TMEM51: variants seen among roughly 807,000 people sequenced by gnomAD.
TMEM51 encodes the protein transmembrane protein 51, also known as chromosome 1 open reading frame 72.
TMEM51 carries 8 observed loss-of-function variants against 13.6 expected under a neutral mutation model. The observed-to-expected ratio is 0.59, with a 90% CI of 0.35 to 1.07. TMEM51 has a LOEUF of 1.07. TMEM51 is among the 50% of genes least tolerant of loss of function. The probability of loss-of-function intolerance (pLI) is 0.02; values close to 1 mark genes in which losing one functional copy is unlikely to be tolerated. For missense variants in TMEM51, 279 were observed against 330.7 expected (o/e 0.84, Z 1.21); for synonymous variants, 147 against 144.4 (o/e 1.02, Z -0.13).
chr1:15,155,016 C>T (rs1344450656), intron 1 of TMEM51, among the ~76,000 whole-genome samples: 4 of 152,220 alleles, frequency 2.6e-5, no homozygotes, highest in Admixed American at 1.3e-4. Flanking sequence ...CGGAGAACAG[C>T]TTGTCTAGGG....
chr1:15,177,970 T>C (rs1490702356), intron 1 of TMEM51, among the ~76,000 whole-genome samples: 1 of 152,190 alleles, frequency 6.6e-6, no homozygotes, highest in Non-Finnish European at 1.5e-5. Flanking sequence ...TATCAAACCC[T>C]TTTCATGGCC....
At chr1:15,167,155 G>A (rs933573215) in intron 1 of TMEM51, among the ~76,000 whole-genome samples, 5 of 151,608 alleles carry the variant, frequency 3.3e-5, no homozygotes, top group Non-Finnish European at 4.4e-5. Flanking sequence ...GTTAAACCCC[G>A]TCTCTCCTAA....
At chr1:15,153,115 C>G (rs1254168425), upstream of TMEM51, among the ~76,000 whole-genome samples, 2 of 152,202 alleles carry the variant, frequency 1.3e-5, no homozygotes, top group East Asian at 3.9e-4. Context: ...AGGGCGTGAG[C>G]TGACTCAGTT....
chr1:15,214,207 G>C (rs887782606), intron 2 of TMEM51, among the ~76,000 whole-genome samples: 1 of 152,094 alleles, frequency 6.6e-6, no homozygotes, highest in African/African-American at 2.4e-5. Context: ...CATGGGAAGA[G>C]AGAGACTCAC....
Position 15,219,773 on chromosome 1 carries a change from G to A in TMEM51, c.*30G>A, listed in dbSNP as rs781469605. The A allele has an allele frequency of 6.2e-6, 10 of 1,602,880 alleles. No individual in the cohort carries two copies. Among genetic ancestry groups the A allele is most frequent in the Non-Finnish European group, 7.7e-6 (9 of 1,174,510 alleles). On this transcript the variant is annotated 3_prime_UTR_variant, in exon 4 of 4. Transcript: ENST00000376008. ...CCCCACTTGAGCCACGCTCCCTCCT[G>A]TCTCTCACACCTTTCACCCCCAAGA...
At chr1:15,208,352 T>C (rs1413966611) in intron 1 of TMEM51, among the ~76,000 whole-genome samples, 3 of 152,156 alleles carry the variant, frequency 2.0e-5, no homozygotes, top group Admixed American at 2.0e-4. Flanking sequence ...CCAGGCATGG[T>C]GGCTCATGCC....
Position 15,186,727 on chromosome 1 carries a change from G to A in TMEM51, c.-266-23763G>A, listed in dbSNP as rs897499248. Among the ~76,000 whole-genome samples, 5 of 152,312 alleles carry A rather than the reference G, an allele frequency of 3.3e-5. No individual in the cohort carries two copies. In the South Asian group the frequency reaches 8.3e-4, roughly 25 times the overall value. On this transcript the variant is annotated intron_variant, in intron 1 of 3. Coordinates refer to ENST00000376008, the MANE Select transcript of TMEM51 (RefSeq NM_001136218.2). ...GCTTTATCCTGCTAGGCCATAGGGA[G>A]CCATGAAGGGATGTTGCCTGAGGGT...
intron 1 of TMEM51, among the ~76,000 whole-genome samples, chr1:15,208,705 C>G (rs1644290817): frequency 6.6e-6 from 1 of 151,926 alleles, no homozygotes. Flanking sequence ...GTAGGTATAG[C>G]AAGTTCCAAG....
chr1:15,177,177 T>G (rs1643478870), intron 1 of TMEM51, among the ~76,000 whole-genome samples: 4 of 152,172 alleles, frequency 2.6e-5, no homozygotes, highest in Admixed American at 2.6e-4. Context: ...AAGTTTTACA[T>G]GCAAGATCAC....
At chr1:15,169,490 C>T (rs1643158961) in intron 1 of TMEM51, among the ~76,000 whole-genome samples, 1 of 152,122 alleles carries the variant, frequency 6.6e-6, no homozygotes, top group African/African-American at 2.4e-5. Context: ...GTGCGTGAGA[C>T]TATGTTGCCT....
intron 1 of TMEM51, among the ~76,000 whole-genome samples, chr1:15,179,962 C>G (rs1643564168): frequency 6.6e-6 from 1 of 152,192 alleles, no homozygotes; most frequent in African/African-American, 2.4e-5. Context: ...AAAAGTGCAT[C>G]TAAGTGTACA....
chr1:15,178,251 G>GTCCC (rs1457158647), intron 1 of TMEM51, among the ~76,000 whole-genome samples: 1 of 151,834 alleles, frequency 6.6e-6, no homozygotes, highest in Non-Finnish European at 1.5e-5. Flanking sequence ...GAGTAGAGCG[G>GTCCC]TCCCTTCGGT....
intron 1 of TMEM51, among the ~76,000 whole-genome samples, chr1:15,163,403 C>T (rs1188330113): frequency 1.3e-5 from 2 of 151,962 alleles, no homozygotes; most frequent in Non-Finnish European, 2.9e-5. Context: ...CCTATTACTG[C>T]TGCCTTACCC....
rs1644270021 is a variant in TMEM51 at position 15,207,430 on chromosome 1, C to T, written c.-266-3060C>T. Among the ~76,000 whole-genome samples, 1 of 152,234 alleles carries T rather than the reference C, an allele frequency of 6.6e-6. No individual in the cohort carries two copies. Among genetic ancestry groups the T allele is most frequent in the African/African-American group, 2.4e-5 (1 of 41,464 alleles). On this transcript the variant is annotated intron_variant, in intron 1 of 3. Transcript: ENST00000376008. The surrounding 1 kb of genome is among the most constrained non-coding windows in gnomAD (Gnocchi z 4.6). ...CAGCCATCAATGCTTGGGCCCTTTA[C>T]CCCGTTTCAGCCGGGGCAGCGCTGC...
chr1:15,210,224 T>A (rs552984714), intron 1 of TMEM51, among the ~76,000 whole-genome samples: 2 of 152,208 alleles, frequency 1.3e-5, no homozygotes, highest in Admixed American at 1.3e-4. Flanking sequence ...CCTCTGATAT[T>A]CTCTGGAGCA....
At chr1:15,197,086 C>A (rs1004476365) in intron 1 of TMEM51, among the ~76,000 whole-genome samples, 6 of 152,236 alleles carry the variant, frequency 3.9e-5, no homozygotes, top group African/African-American at 1.2e-4. Context: ...GCTTTCTCTG[C>A]CCAATGCTCT....
At chr1:15,214,641 G>A (rs1013139027) in intron 2 of TMEM51, among the ~76,000 whole-genome samples, 1 of 152,222 alleles carries the variant, frequency 6.6e-6, no homozygotes, top group Non-Finnish European at 1.5e-5. Context: ...CGACCTTTCT[G>A]GCCTCCAGCA....
intron 3 of TMEM51, among the ~76,000 whole-genome samples, chr1:15,219,062 T>A (rs1436169829): frequency 6.7e-6 from 1 of 148,586 alleles, no homozygotes; most frequent in African/African-American, 2.4e-5. Context: ...AGCCCCAATT[T>A]GGGGACTCAC....
At chr1:15,190,635 G>A (rs1172172910) in intron 1 of TMEM51, among the ~76,000 whole-genome samples, 1 of 152,120 alleles carries the variant, frequency 6.6e-6, no homozygotes, top group Non-Finnish European at 1.5e-5. Context: ...CTTAGAATCT[G>A]TGACTATTTA....
Sources: allele counts gnomAD v4.1 joint callset (sites outside exome capture counted in the v4.1 genomes callset), GRCh38; gene constraint gnomAD v4.1.1; non-coding constraint Gnocchi (gnomAD v3.1); transcripts MANE v1.5; gene names NCBI Gene and HGNC (gene_info 2026-07-23, HGNC 2026-07-21).